CETN3: variants seen among roughly 807,000 people sequenced by gnomAD.
CETN3 encodes the protein centrin-3.
CETN3 carries 17 observed loss-of-function variants against 20.1 expected under a neutral mutation model. That is an observed-to-expected ratio of 0.85 (90% CI 0.58 to 1.27). The LOEUF (loss-of-function observed/expected upper bound fraction) is 1.27. Among genes scored for constraint, CETN3 ranks in the 50% most tolerant of loss-of-function variants. CETN3 has a pLI of 0.00. For synonymous variants in CETN3, 52 were observed against 59.7 expected (o/e 0.87, Z 0.59); for missense variants, 169 against 191.2 (o/e 0.88, Z 0.69).
At chr5:90,403,013 C>T (rs1749338758) in intron 3 of CETN3, among the ~76,000 whole-genome samples, 1 of 152,194 alleles carries the variant, frequency 6.6e-6, no homozygotes, top group African/African-American at 2.4e-5. Context: ...AAATAGTGTA[C>T]AAACGTTTGA....
intron 4 of CETN3, chr5:90,396,214 A>G: frequency 1.0e-6 from 1 of 985,362 alleles, no homozygotes; most frequent in South Asian, 4.7e-5. Flanking sequence ...GCTATGAGTT[A>G]GGAAAAATGC....
At chr5:90,402,349 T>A (rs1749314911) in intron 3 of CETN3, among the ~76,000 whole-genome samples, 1 of 152,236 alleles carries the variant, frequency 6.6e-6, no homozygotes, top group Non-Finnish European at 1.5e-5. Flanking sequence ...AAAATCTTCA[T>A]GTTTTGCAAG....
At chr5:90,398,412 T>C (rs1357025978) in intron 4 of CETN3, among the ~76,000 whole-genome samples, 1 of 152,150 alleles carries the variant, frequency 6.6e-6, no homozygotes, top group Non-Finnish European at 1.5e-5. Flanking sequence ...TCAATGGAAG[T>C]CTCATGATTC....
In CETN3 at chr5:90,399,431, T is replaced by C; in HGVS notation, c.387A>G (p.Glu129=). Residue 129 remains glutamate, a synonymous_variant, in exon 4 of 5, where the codon GAA becomes GAG. Transcript: ENST00000283122. ...CTTCATCACTCATGTTTTCACCCAA[T>C]TCTCTAGCAACACGTCGCAAATTCC... ...SLRNLRRVAR[E]LGENMSDEEL... 1 of 1,614,056 alleles carries C rather than the reference T, an allele frequency of 6.2e-7. No individual in the cohort carries two copies. Among genetic ancestry groups the C allele is most frequent in the Non-Finnish European group, 8.5e-7 (1 of 1,179,954 alleles).
chr5:90,406,384 G>C (rs1255585428), intron 2 of CETN3, among the ~76,000 whole-genome samples: 1 of 151,774 alleles, frequency 6.6e-6, no homozygotes, highest in African/African-American at 2.4e-5. Context: ...ATTTGGGAAG[G>C]ATGACTGGTA....
At position 90,392,802 on chromosome 5, in the gene CETN3, A is replaced by G. The variant is rs184311176; in HGVS notation, c.*1262T>C. 6.6e-6 allele frequency: 1 copy of G among 152,274 alleles called. No homozygotes were observed. Among genetic ancestry groups the G allele is most frequent in the Non-Finnish European group, 1.5e-5 (1 of 68,020 alleles). 9.4% of individuals were successfully genotyped at this position (152,274 alleles called of 1,614,324 possible). A position where few individuals can be genotyped will look rare whatever the true frequency, so the allele number is the denominator to read the frequency against. On this transcript the variant is annotated 3_prime_UTR_variant, in exon 5 of 5. Transcript: ENST00000283122. ...GCAATACAAGAATGACTTAATATAC[A>G]CTTGCTTCCTAGATAACTGTTTGAA...
chr5:90,392,986 T>C lies in CETN3; in HGVS notation c.*1078A>G, dbSNP rs541937354. 31 of 152,364 alleles carry C rather than the reference T, an allele frequency of 2.0e-4. No homozygotes were observed. The highest frequency in any genetic ancestry group is 6.0e-4 in the African/African-American group (25 of 41,596). 9.4% of individuals were successfully genotyped at this position (152,364 alleles called of 1,614,324 possible). On this transcript the variant is annotated 3_prime_UTR_variant, in exon 5 of 5. Transcript: ENST00000283122. ...TTAAAACAAGAATTCTAAAGAAAGA[T>C]TGCTGAAATAGACAACTCAATTCCG...
intron 3 of CETN3, among the ~76,000 whole-genome samples, chr5:90,401,503 A>C (rs1259382002): frequency 1.3e-5 from 2 of 152,228 alleles, no homozygotes; most frequent in Non-Finnish European, 2.9e-5. Flanking sequence ...GTACTTCATC[A>C]AAATACTTTC....
At chr5:90,405,540 C>A in intron 3 of CETN3, 145 bp downstream of exon 3, 4 of 554,116 alleles carry the variant, frequency 7.2e-6, no homozygotes, top group Admixed American at 3.7e-5. Flanking sequence ...AAAAAACCAA[C>A]AAAACAAAAC....
chr5:90,396,814 T>C (rs989470076), intron 4 of CETN3, among the ~76,000 whole-genome samples: 2 of 152,118 alleles, frequency 1.3e-5, no homozygotes, highest in Non-Finnish European at 2.9e-5. Context: ...TAAACTATAA[T>C]AGCATTTCAA....
At chr5:90,405,880 G>C in intron 2 of CETN3, 81 bp from the exon 3 acceptor site, 1 of 832,370 alleles carries the variant, frequency 1.2e-6, no homozygotes, top group Non-Finnish European at 2.0e-6. Flanking sequence ...TACATCTTAA[G>C]AGATGACAAC....
At chr5:90,399,779 T>C (rs1216356751) in intron 3 of CETN3, among the ~76,000 whole-genome samples, 1 of 152,156 alleles carries the variant, frequency 6.6e-6, no homozygotes, top group African/African-American at 2.4e-5. Context: ...TGTCTTATTA[T>C]AAAAGTAAGC....
chr5:90,399,159 G>A, intron 4 of CETN3, 199 bp downstream of exon 4: 1 of 607,520 alleles, frequency 1.6e-6, no homozygotes, highest in Non-Finnish European at 2.9e-6. Flanking sequence ...AGAGAAAAGT[G>A]AAGGACCTTC....
chr5:90,407,233 C>G (rs1387384269), intron 2 of CETN3, among the ~76,000 whole-genome samples: 1 of 152,050 alleles, frequency 6.6e-6, no homozygotes, highest in Non-Finnish European at 1.5e-5. Flanking sequence ...TAGCATGTGT[C>G]AACATCAAAC....
In CETN3 at chr5:90,399,504, T is replaced by C; in HGVS notation, c.314A>G (p.Lys105Arg). The C allele has an allele frequency of 6.2e-7, 1 of 1,613,736 alleles. No individual in the cohort carries two copies. The highest frequency in any genetic ancestry group is 8.5e-7 in the Non-Finnish European group (1 of 1,179,808). ...ATCATCATCAAATAGTTTAAATGCC[T>C]TGAGTATTTCTTCATGGGGATCTCT... Reference protein sequence around the residue: ...LERDPHEEILKAFKLFDDDDS... With the variant: ...LERDPHEEILRAFKLFDDDDS... The change falls in exon 4 of 5, where the codon AAG becomes AGG. Residue 105 changes from lysine (K) to arginine (R), a missense_variant. Lys to Arg is a conservative substitution (Grantham distance 26). Transcript: ENST00000283122.
intron 3 of CETN3, among the ~76,000 whole-genome samples, chr5:90,405,220 C>CAAAT (rs1277187737): frequency 6.6e-6 from 1 of 152,124 alleles, no homozygotes; most frequent in East Asian, 1.9e-4. Context: ...TGAAGTCGTG[C>CAAAT]ATTTCATCTA....
chr5:90,403,149 A>G lies in CETN3; in HGVS notation c.268+2536T>C, dbSNP rs72781066. Among the ~76,000 whole-genome samples, 1,089 of 152,342 alleles carry G rather than the reference A, an allele frequency of 7.1e-3. 3 individuals are homozygous for G. The highest frequency in any genetic ancestry group is 0.034 in the Middle Eastern group (10 of 294). On this transcript the variant is annotated intron_variant, in intron 3 of 4. Coordinates refer to ENST00000283122, the MANE Select transcript of CETN3 (RefSeq NM_004365.4). ...TTTTTTCCAGTACTAGGAAGAGTCTATAATAGTTAACTGCCAAACTTCATC... is the reference window on the plus strand; with the variant it reads ...TTTTTTCCAGTACTAGGAAGAGTCTGTAATAGTTAACTGCCAAACTTCATC...
chr5:90,395,521 A>G (rs1749118883), intron 4 of CETN3, among the ~76,000 whole-genome samples: 1 of 152,024 alleles, frequency 6.6e-6, no homozygotes, highest in Non-Finnish European at 1.5e-5. Flanking sequence ...TTTGGTAGAG[A>G]TTAGGTTTCA....
chr5:90,396,210 A>AG (rs935460356), intron 4 of CETN3: 1 of 985,230 alleles, frequency 1.0e-6, no homozygotes, highest in Non-Finnish European at 1.2e-6. Flanking sequence ...ATAAGCTATG[A>AG]GTTAGGAAAA....
Sources: gnomAD v4.1 joint callset for allele counts (sites outside exome capture counted in the v4.1 genomes callset) on GRCh38, gnomAD v4.1.1 for gene constraint, MANE v1.5 for transcripts, NCBI Gene and HGNC (gene_info 2026-07-23, HGNC 2026-07-21) for gene names.